NT5C2: variants seen among roughly 807,000 people sequenced by gnomAD.
NT5C2 encodes cytosolic purine 5'-nucleotidase.
In NT5C2, 58 loss-of-function variants were observed where a neutral mutation model predicts 76.1. That is an observed-to-expected ratio of 0.76 (90% confidence interval 0.62 to 0.95). The LOEUF is 0.95. Among genes scored for constraint, NT5C2 ranks in the 40% least tolerant of loss-of-function variants. The pLI is 0.00. For missense variants in NT5C2, 478 were observed against 690.3 expected, an observed-to-expected ratio of 0.69 and a Z score of 3.45; for synonymous variants, 229 against 237.4, an observed-to-expected ratio of 0.96 and a Z score of 0.32.
At chr10:103,141,693 T>C (rs1565158564) in intron 3 of NT5C2, among the ~76,000 whole-genome samples, 1 of 152,152 alleles carries the variant, frequency 6.6e-6, no homozygotes, top group Non-Finnish European at 1.5e-5. Flanking sequence ...TATAATTTAT[T>C]TAATAAACAA....
intron 3 of NT5C2, among the ~76,000 whole-genome samples, chr10:103,166,646 T>TTTTC (rs568749862): frequency 1.3e-5 from 2 of 152,096 alleles, no homozygotes; most frequent in African/African-American, 4.8e-5. Flanking sequence ...TTTTGAATTT[T>TTTTC]TTTCTTTCTT....
In NT5C2 at chr10:103,178,954, C is replaced by CT. The variant is rs758982511; in HGVS notation, c.-25+2230dup. Among the ~76,000 whole-genome samples, 89 of 128,442 alleles carry CT rather than the reference C, an allele frequency of 6.9e-4. 2 individuals are homozygous for CT. The highest frequency in any genetic ancestry group is 3.2e-3 in the South Asian group (13 of 4,012). The allele number at this position is 128,442 out of a possible 152,430, so 84.3% of individuals were successfully genotyped here. A position where few individuals can be genotyped will look rare whatever the true frequency, so the allele number is the denominator to read the frequency against. On this transcript the variant is annotated intron_variant, in intron 2 of 18. Coordinates refer to ENST00000404739, the MANE Select transcript of NT5C2 (RefSeq NM_001351169.2). ...TCTACGTTTTCTTTTTTCTTTTTTT[C>CT]TTTTTTTTTTTTGAGATAGAGTCTT...
At chr10:103,123,652 A>G (rs191389866) in intron 4 of NT5C2, among the ~76,000 whole-genome samples, 73 of 152,184 alleles carry the variant, frequency 4.8e-4, no homozygotes, top group Non-Finnish European at 9.3e-4. Flanking sequence ...TTTCTCAGAG[A>G]AATGCGAAGG....
intron 6 of NT5C2, among the ~76,000 whole-genome samples, chr10:103,105,093 G>A (rs896329297): frequency 6.6e-6 from 1 of 152,106 alleles, no homozygotes; most frequent in African/African-American, 2.4e-5. Flanking sequence ...TTCATCTGCT[G>A]TTTACTAGGG....
chr10:103,170,331 A>T (rs903377038), intron 3 of NT5C2, among the ~76,000 whole-genome samples: 12 of 151,866 alleles, frequency 7.9e-5, no homozygotes, highest in African/African-American at 1.5e-4. Flanking sequence ...TAGATAAAAA[A>T]TTTTTTTCAA....
chr10:103,131,073 A>G (rs1324247148), intron 4 of NT5C2, among the ~76,000 whole-genome samples: 1 of 152,216 alleles, frequency 6.6e-6, no homozygotes, highest in Non-Finnish European at 1.5e-5. Context: ...TTACAGTGTG[A>G]TAAGGATCAT....
At chr10:103,132,866 A>T (rs939104464) in intron 4 of NT5C2, among the ~76,000 whole-genome samples, 8 of 149,398 alleles carry the variant, frequency 5.4e-5, no homozygotes, top group South Asian at 2.1e-4. Context: ...TAAAGTAATT[A>T]AAAAAAAAAA....
At chr10:103,179,621 G>C (rs768055367) in intron 2 of NT5C2, among the ~76,000 whole-genome samples, 55 of 151,226 alleles carry the variant, frequency 3.6e-4, no homozygotes, top group Non-Finnish European at 7.6e-4. Context: ...GGATCGCTTT[G>C]AGCCCAGGAG....
intron 3 of NT5C2, chr10:103,140,242 T>C (rs2080149192): frequency 6.6e-6 from 1 of 152,164 alleles, no homozygotes; most frequent in Non-Finnish European, 1.5e-5. Flanking sequence ...TTGCTCTTTG[T>C]TTCTATGGTT....
intron 11 of NT5C2, 27 bp from the exon 12 acceptor site, chr10:103,096,007 C>T (rs754726386): frequency 1.3e-6 from 2 of 1,577,294 alleles, no homozygotes; most frequent in Admixed American, 3.4e-5. Flanking sequence ...AACATAAGGT[C>T]CATATACTAC....
chr10:103,118,786 C>T (rs11191564), intron 4 of NT5C2, among the ~76,000 whole-genome samples: 14,366 of 151,634 alleles, frequency 0.095, 890 homozygotes, highest in East Asian at 0.28. Context: ...TTTTATTAAC[C>T]ACAATTATCT....
At chr10:103,110,111 C>G (rs553930367) in intron 4 of NT5C2, among the ~76,000 whole-genome samples, 2 of 152,222 alleles carry the variant, frequency 1.3e-5, no homozygotes, top group African/African-American at 4.8e-5. Flanking sequence ...TCAGCTGAAG[C>G]CAAAATTTAG....
At chr10:103,141,740 A>G (rs1797944195) in intron 3 of NT5C2, among the ~76,000 whole-genome samples, 2 of 152,192 alleles carry the variant, frequency 1.3e-5, no homozygotes, top group South Asian at 4.1e-4. Flanking sequence ...AATATAGACT[A>G]ATTAAATAAA....
At chr10:103,138,150 T>G (rs2079646749) in intron 4 of NT5C2, among the ~76,000 whole-genome samples, 4 of 152,276 alleles carry the variant, frequency 2.6e-5, no homozygotes, top group African/African-American at 7.2e-5. Context: ...GTCATGGAGT[T>G]TCAATGACTT....
intron 2 of NT5C2, chr10:103,175,676 C>A: frequency 4.2e-6 from 1 of 235,474 alleles, no homozygotes; most frequent in East Asian, 9.1e-5. Context: ...AGACTTATCT[C>A]CCAAGGGTGA....
rs899415109 is a variant in NT5C2 at position 103,088,246 on chromosome 10, T to TAAAG, written c.*1422_*1425dup. ...AGAATGGAAGAAAATATACAATGGT[T>TAAAG]AAAGAAAGAGTCTATAACCACTGTT... On this transcript the variant is annotated 3_prime_UTR_variant, in exon 19 of 19. Coordinates refer to ENST00000404739, the MANE Select transcript of NT5C2 (RefSeq NM_001351169.2). 8 of 152,222 alleles carry TAAAG rather than the reference T, an allele frequency of 5.3e-5. No individual in the cohort carries two copies. Among genetic ancestry groups the TAAAG allele is most frequent in the Admixed American group, 4.6e-4 (7 of 15,288 alleles). 9.4% of individuals were successfully genotyped at this position (152,222 alleles called of 1,614,324 possible). A position where few individuals can be genotyped will look rare whatever the true frequency, so the allele number is the denominator to read the frequency against.
intron 6 of NT5C2, among the ~76,000 whole-genome samples, chr10:103,101,636 G>A (rs1220923917): frequency 2.6e-5 from 4 of 151,440 alleles, no homozygotes; most frequent in African/African-American, 9.7e-5. Context: ...CAGGTGTGAT[G>A]TCCAGCTTAG....
chr10:103,107,693 G>A lies in NT5C2; in HGVS notation c.176-987C>T, dbSNP rs2071690801. Among the ~76,000 whole-genome samples, 3 of 151,644 alleles carry A rather than the reference G, an allele frequency of 2.0e-5. No homozygotes were observed. The South Asian group carries it at 6.3e-4, about 32-fold the overall frequency. The stretch of plus-strand genomic sequence containing the variant: ...GTCTAAAAAAAAAAAATATGCAAAT[G>A]TGTATATAAAACTAAATCTCTCCTT... On this transcript the variant is annotated intron_variant, in intron 4 of 18. Coordinates refer to ENST00000404739, the MANE Select transcript of NT5C2 (RefSeq NM_001351169.2).
intron 4 of NT5C2, among the ~76,000 whole-genome samples, chr10:103,122,638 C>T (rs1458467838): frequency 6.6e-6 from 1 of 152,204 alleles, no homozygotes; most frequent in Non-Finnish European, 1.5e-5. Context: ...ACTCTCACCT[C>T]CCGACTTCTT....
Sources: allele counts gnomAD v4.1 joint callset (sites outside exome capture counted in the v4.1 genomes callset), GRCh38; gene constraint gnomAD v4.1.1; transcripts MANE v1.5; gene names NCBI Gene and HGNC (gene_info 2026-07-23, HGNC 2026-07-21).